The following MUSK variants were observed in gnomAD, a reference collection of about 807,000 sequenced individuals.
The protein encoded by MUSK is muscle, skeletal receptor tyrosine-protein kinase.
In MUSK, 55 loss-of-function variants were observed where a neutral mutation model predicts 88.7. That is an observed-to-expected ratio of 0.62 (90% CI 0.50 to 0.78). The LOEUF is 0.78. Among genes scored for constraint, MUSK ranks in the 30% least tolerant of loss-of-function variants. The pLI, the probability that MUSK is intolerant of heterozygous loss-of-function variation, is 0.00. For missense variants in MUSK, 1,015 were observed against 1,074.3 expected (o/e 0.94, Z 0.77); for synonymous variants, 387 against 391.9 (o/e 0.99, Z 0.15).
rs995107188 is a variant in MUSK, at chr9:110,668,807, C to T, written c.-98C>T. Reference sequence around the variant, plus strand: ...GACACAAACAGTCATTAGCAGACAACCCTTTTGCAACAAAGTATGCTTTAA... The same window carrying T: ...GACACAAACAGTCATTAGCAGACAATCCTTTTGCAACAAAGTATGCTTTAA... On this transcript the variant is annotated 5_prime_UTR_variant, in exon 1 of 15. Coordinates refer to ENST00000374448, the MANE Select transcript of MUSK (RefSeq NM_005592.4). 3.3e-6 allele frequency: 3 copies of T among 913,340 alleles called. No homozygotes were observed. Among genetic ancestry groups the T allele is most frequent in the Admixed American group, 3.6e-5 (2 of 54,884 alleles). The allele number at this position is 913,340 out of a possible 1,614,324, so 56.6% of individuals were successfully genotyped here.
Position 110,695,257 on chromosome 9 carries a change from C to CT in MUSK, c.359-145dup, listed in dbSNP as rs937437096. On this transcript the variant is annotated intron_variant, in intron 3 of 14. Coordinates refer to ENST00000374448, the MANE Select transcript of MUSK (RefSeq NM_005592.4). ...TCTGTTTGAGATCTACTGAGGAAAA[C>CT]TGTCTTTGCATTTGGTGAATTTTGT... 3 of 562,354 alleles carry CT rather than the reference C, an allele frequency of 5.3e-6. No homozygotes were observed. In the Admixed American group the frequency reaches 1.2e-4, roughly 23 times the overall value. The allele number at this position is 562,354 out of a possible 1,614,324, so 34.8% of individuals were successfully genotyped here.
chr9:110,720,181 C>A (rs1226511638), intron 5 of MUSK, among the ~76,000 whole-genome samples: 4 of 151,584 alleles, frequency 2.6e-5, no homozygotes, highest in Admixed American at 6.6e-5. Flanking sequence ...ATTCTCCATG[C>A]AATTGGTGAA....
intron 5 of MUSK, among the ~76,000 whole-genome samples, chr9:110,725,473 T>C (rs2076872159): frequency 6.6e-6 from 1 of 152,054 alleles, no homozygotes. Flanking sequence ...AATAAAACTT[T>C]TCAAGAAAAT....
At chr9:110,800,185 C>T (rs141438909) in intron 14 of MUSK, 121 bp from the exon 15 acceptor site, 17 of 894,680 alleles carry the variant, frequency 1.9e-5, no homozygotes, top group Non-Finnish European at 2.7e-5. Flanking sequence ...AACAAACATA[C>T]GACAACAACA....
chr9:110,783,006 C>A (rs1415125901), intron 11 of MUSK, among the ~76,000 whole-genome samples: 1 of 152,198 alleles, frequency 6.6e-6, no homozygotes, highest in Non-Finnish European at 1.5e-5. Flanking sequence ...GGGTCCACTT[C>A]ATGTATGACT....
chr9:110,767,978 A>G lies in MUSK; in HGVS notation c.1079A>G (p.Lys360Arg). 3 of 1,613,898 alleles carry G rather than the reference A, an allele frequency of 1.9e-6. No individual in the cohort carries two copies. The highest frequency in any genetic ancestry group is 2.5e-6 in the Non-Finnish European group (3 of 1,179,876). Reference protein sequence around the residue: ...LLVHTAWNELKVVSPVCRPAA... With the variant: ...LLVHTAWNELRVVSPVCRPAA... ...GTCCACACGGCCTGGAATGAACTGA[A>G]AGTAGTGAGCCCAGTCTGCCGGCCA... is the stretch of plus-strand genomic sequence containing the variant. Residue 360 changes from lysine (K) to arginine (R), a missense_variant, in exon 9 of 15, where the codon AAA becomes AGA. Coordinates refer to ENST00000374448, the MANE Select transcript of MUSK (RefSeq NM_005592.4).
intron 2 of MUSK, 86 bp from the exon 3 acceptor site, chr9:110,687,031 T>G: frequency 7.3e-7 from 1 of 1,373,394 alleles, no homozygotes; most frequent in Non-Finnish European, 1.0e-6. Context: ...ACTTCCTCAT[T>G]AACAAGTCAT....
At position 110,801,700 on chromosome 9, in the gene MUSK, A is replaced by G. The variant is rs540264820; in HGVS notation, c.*712A>G. On this transcript the variant is annotated 3_prime_UTR_variant, in exon 15 of 15. Coordinates refer to ENST00000374448, the MANE Select transcript of MUSK (RefSeq NM_005592.4). The stretch of plus-strand genomic sequence containing the variant: ...GTCATGAATTAAGTCTGCTTATTTT[A>G]TTCCTCCAGTTTTCTTGAAACAAGT... The G allele has an allele frequency of 6.6e-6, 1 of 152,020 alleles. No individual in the cohort carries two copies. Among genetic ancestry groups the G allele is most frequent in the South Asian group, 2.1e-4 (1 of 4,818 alleles). The allele number at this position is 152,020 out of a possible 1,614,324, so 9.4% of individuals were successfully genotyped here.
At chr9:110,768,490 C>A (rs1222444408) in intron 9 of MUSK, among the ~76,000 whole-genome samples, 1 of 152,082 alleles carries the variant, frequency 6.6e-6, no homozygotes, top group African/African-American at 2.4e-5. Context: ...GACTCTGTCT[C>A]AAACAAACAA....
chr9:110,786,321 A>G (rs902143168), intron 13 of MUSK, among the ~76,000 whole-genome samples: 1 of 150,746 alleles, frequency 6.6e-6, no homozygotes, highest in African/African-American at 2.5e-5. Flanking sequence ...AAAAAAAAAA[A>G]AAAAAAGAAA....
chr9:110,784,926 C>A lies in MUSK; in HGVS notation c.1496C>A (p.Ser499Tyr). The change falls in exon 12 of 15, where the codon TCC becomes TAC. Residue 499 changes from serine to tyrosine, a missense_variant. By Grantham distance (144) the Ser-to-Tyr change is moderately radical. Transcript: ENST00000374448. Reference sequence around the variant, plus strand: ...ACATACTCCATGACTGTAATAATCTCCATCATGTCCAGCTTTGCAATATTT... The same window carrying A: ...ACATACTCCATGACTGTAATAATCTACATCATGTCCAGCTTTGCAATATTT... Reference protein sequence around the residue: ...SPTYSMTVIISIMSSFAIFVL... With the variant: ...SPTYSMTVIIYIMSSFAIFVL... The A allele has an allele frequency of 6.2e-7, 1 of 1,613,890 alleles. No individual in the cohort carries two copies. Among genetic ancestry groups the A allele is most frequent in the Non-Finnish European group, 8.5e-7 (1 of 1,179,824 alleles).
At position 110,804,118 on chromosome 9, in the gene MUSK, AT is replaced by A. The variant is rs1482323397; in HGVS notation, c.*3134del. On this transcript the variant is annotated 3_prime_UTR_variant, in exon 15 of 15. Transcript: ENST00000374448. ...CATTAAATATTCTTCTAAAAACCCA[AT>A]TTTGGAATAATATTCTATTTTATTC... 3.9e-5 allele frequency among the ~76,000 whole-genome samples: 6 copies of A among 152,172 alleles called. No individual in the cohort carries two copies. The highest frequency in any genetic ancestry group is 1.4e-4 in the African/African-American group (6 of 41,448).
At chr9:110,682,048 C>T (rs1587889681) in intron 1 of MUSK, among the ~76,000 whole-genome samples, 1 of 151,976 alleles carries the variant, frequency 6.6e-6, no homozygotes, top group Non-Finnish European at 1.5e-5. Context: ...ATTCACATAC[C>T]GTGCGCTTTA....
chr9:110,671,119 A>G lies in MUSK; in HGVS notation c.79+2136A>G, dbSNP rs538929095. 2.0e-5 allele frequency among the ~76,000 whole-genome samples: 3 copies of G among 152,178 alleles called. No homozygotes were observed. In the South Asian group the frequency reaches 6.2e-4, roughly 32 times the overall value. On this transcript the variant is annotated intron_variant, in intron 1 of 14. Transcript: ENST00000374448. ...CGCAAATACCTGGGACTACAGGTGCAAGCCACCACACTCGGCTAATTTTTA... is the reference window on the plus strand; with the variant it reads ...CGCAAATACCTGGGACTACAGGTGCGAGCCACCACACTCGGCTAATTTTTA...
chr9:110,747,186 C>T (rs191992204), intron 6 of MUSK, among the ~76,000 whole-genome samples: 13 of 152,264 alleles, frequency 8.5e-5, no homozygotes, highest in Admixed American at 7.9e-4. Flanking sequence ...TTCCTGTGAT[C>T]GGCAGATTGA....
At chr9:110,673,429 TAATG>T (rs1278925182) in intron 1 of MUSK, among the ~76,000 whole-genome samples, 2 of 152,196 alleles carry the variant, frequency 1.3e-5, no homozygotes, top group Non-Finnish European at 2.9e-5. Context: ...AATAAAAAGA[TAATG>T]AATAAAAAGT....
intron 6 of MUSK, among the ~76,000 whole-genome samples, chr9:110,740,248 G>T (rs2077079758): frequency 6.6e-6 from 1 of 152,114 alleles, no homozygotes; most frequent in Admixed American, 6.6e-5. Context: ...CACAGATAGG[G>T]TGTCTTAAAA....
At chr9:110,740,246 G>A (rs2077079725) in intron 6 of MUSK, among the ~76,000 whole-genome samples, 1 of 152,082 alleles carries the variant, frequency 6.6e-6, no homozygotes, top group African/African-American at 2.4e-5. Context: ...ACCACAGATA[G>A]GGTGTCTTAA....
intron 5 of MUSK, among the ~76,000 whole-genome samples, chr9:110,713,066 A>G (rs114523376): frequency 1.4e-3 from 215 of 152,206 alleles, no homozygotes; most frequent in African/African-American, 4.7e-3. Flanking sequence ...GGGAGGAAAA[A>G]GAAAATAGAG....
Sources: allele counts gnomAD v4.1 joint callset (sites outside exome capture counted in the v4.1 genomes callset), GRCh38; gene constraint gnomAD v4.1.1; transcripts MANE v1.5; gene names NCBI Gene and HGNC (gene_info 2026-07-23, HGNC 2026-07-21).